INHBA: variants seen among roughly 807,000 people sequenced by gnomAD.
The protein encoded by INHBA is inhibin subunit beta A.
In INHBA, 1 loss-of-function variant was observed where a neutral mutation model predicts 29.0. That is an observed-to-expected ratio of 0.03 (90% CI 0.01 to 0.16). The LOEUF is 0.16. Among genes scored for constraint, INHBA ranks in the 10% least tolerant of loss-of-function variants. The probability of loss-of-function intolerance (pLI) is 1.00; values close to 1 mark genes in which losing one functional copy is unlikely to be tolerated. For synonymous variants in INHBA, 242 were observed against 216.8 expected, an observed-to-expected ratio of 1.12 and a Z score of -1.02; for missense variants, 376 against 545.4, an observed-to-expected ratio of 0.69 and a Z score of 3.09.
chr7:41,703,954 G>C (rs976027030), upstream of INHBA, among the ~76,000 whole-genome samples: 4 of 152,118 alleles, frequency 2.6e-5, no homozygotes, highest in Non-Finnish European at 5.9e-5. Flanking sequence ...TGTGGGGGAG[G>C]GGTGTTGGCA....
At chr7:41,703,231 T>C (rs767033974), upstream of INHBA, 13 of 152,196 alleles carry the variant, frequency 8.5e-5, no homozygotes, top group Non-Finnish European at 1.6e-4. Flanking sequence ...AGACATTTCA[T>C]AATTCATTAT....
chr7:41,700,451 G>T lies in INHBA; in HGVS notation c.-77C>A, dbSNP rs376914466. ...TCCCCCCTCACGCGCAGGTTTTTTT[G>T]TGTGTGTGGATTTTTTTATTTTTTT... On this transcript the variant is annotated 5_prime_UTR_variant, in exon 2 of 3. Transcript: ENST00000242208. 2.3e-4 allele frequency: 299 copies of T among 1,288,618 alleles called. No homozygotes were observed. The highest frequency in any genetic ancestry group is 1.9e-3 in the South Asian group (86 of 44,890). 79.8% of individuals were successfully genotyped at this position (1,288,618 alleles called of 1,614,324 possible).
At chr7:41,693,326 G>A (rs887948924) in intron 2 of INHBA, among the ~76,000 whole-genome samples, 16 of 152,320 alleles carry the variant, frequency 1.1e-4, no homozygotes, top group African/African-American at 3.8e-4. Flanking sequence ...TCAGGGTGAA[G>A]CCGATGGACA....
intron 2 of INHBA, among the ~76,000 whole-genome samples, chr7:41,694,941 G>A (rs941416523): frequency 1.3e-5 from 2 of 152,148 alleles, no homozygotes; most frequent in African/African-American, 4.8e-5. Context: ...CTGGAAGGGT[G>A]TTTGCAGCAC....
chr7:41,703,676 T>C (rs567016550), upstream of INHBA, among the ~76,000 whole-genome samples: 3 of 152,104 alleles, frequency 2.0e-5, no homozygotes, highest in Admixed American at 6.6e-5. Context: ...GCCTGCTTCA[T>C]AAATCAAGAA....
chr7:41,694,656 T>C (rs927758037), intron 2 of INHBA, among the ~76,000 whole-genome samples: 1 of 152,192 alleles, frequency 6.6e-6, no homozygotes, highest in Non-Finnish European at 1.5e-5. Flanking sequence ...CTCTGTGCTA[T>C]TTTTTCCCTC....
At chr7:41,694,035 A>G (rs745749016) in intron 2 of INHBA, 2 of 152,238 alleles carry the variant, frequency 1.3e-5, no homozygotes. Flanking sequence ...AATGCTCAGG[A>G]GAACAGGGGG....
chr7:41,702,575 T>C (rs189805698), intron 1 of INHBA, among the ~76,000 whole-genome samples: 39 of 152,340 alleles, frequency 2.6e-4, no homozygotes, highest in Middle Eastern at 3.4e-3. Flanking sequence ...ACATATACAG[T>C]ACCCAAAATG....
rs2128668802 is a variant in INHBA, at chr7:41,688,001, G to A, written c.*1649C>T. Reference sequence around the variant, plus strand: ...GAAATTTGATCCCTGTACAATGAAAGAGGGCCTTGCTGAATATTCACTGGA... The same window carrying A: ...GAAATTTGATCCCTGTACAATGAAAAAGGGCCTTGCTGAATATTCACTGGA... On this transcript the variant is annotated 3_prime_UTR_variant, in exon 3 of 3. Coordinates refer to ENST00000242208, the MANE Select transcript of INHBA (RefSeq NM_002192.4). 1 of 152,334 alleles carries A rather than the reference G, an allele frequency of 6.6e-6. No homozygotes were observed. The highest frequency in any genetic ancestry group is 2.1e-4 in the South Asian group (1 of 4,832). The allele number at this position is 152,334 out of a possible 1,614,324, so 9.4% of individuals were successfully genotyped here. A position where few individuals can be genotyped will look rare whatever the true frequency, so the allele number is the denominator to read the frequency against.
At chr7:41,700,619 G>A (rs1794761426) in intron 1 of INHBA, 102 bp from the exon 2 acceptor site, 1 of 168,244 alleles carries the variant, frequency 5.9e-6, no homozygotes, top group Non-Finnish European at 1.3e-5. Context: ...GGAGAGTTCT[G>A]ACTGTCTCCG....
At chr7:41,700,668 A>G in intron 1 of INHBA, 151 bp from the exon 2 acceptor site, 1 of 140,730 alleles carries the variant, frequency 7.1e-6, no homozygotes, top group Non-Finnish European at 1.5e-5. Context: ...GGAGGGAGAC[A>G]GGGAGGGAGG....
At chr7:41,699,156 T>A (rs1794714636) in intron 2 of INHBA, among the ~76,000 whole-genome samples, 1 of 152,236 alleles carries the variant, frequency 6.6e-6, no homozygotes, top group Admixed American at 6.5e-5. Context: ...ACGATTAGAA[T>A]CTATTTATTA....
In INHBA at chr7:41,694,605, G is replaced by A. The variant is rs1026015152; in HGVS notation, c.389-4063C>T. Among the ~76,000 whole-genome samples the A allele has an allele frequency of 1.3e-5, 2 of 152,148 alleles. 1 individual carries two copies. Among genetic ancestry groups the A allele is most frequent in the South Asian group, 4.1e-4 (2 of 4,832 alleles). On this transcript the variant is annotated intron_variant, in intron 2 of 2. Transcript: ENST00000242208. ...AACCAGATATAGCTGGTTGCTTTGC[G>A]AACCTTTCATTACCTGCTCTCTAAT... is the stretch of plus-strand genomic sequence containing the variant.
chr7:41,692,929 G>T (rs546645671), intron 2 of INHBA, among the ~76,000 whole-genome samples: 2 of 152,128 alleles, frequency 1.3e-5, no homozygotes, highest in Admixed American at 6.5e-5. Flanking sequence ...AGGGTGGCAG[G>T]GTCCTGCCAA....
rs1380286305 is a variant in INHBA, at chr7:41,689,008, T to C, written c.*642A>G. The C allele has an allele frequency of 1.7e-5, 4 of 233,162 alleles. No individual in the cohort carries two copies. Among genetic ancestry groups the C allele is most frequent in the African/African-American group, 8.8e-5 (4 of 45,318 alleles). The allele number at this position is 233,162 out of a possible 1,614,324, so 14.4% of individuals were successfully genotyped here. A position where few individuals can be genotyped will look rare whatever the true frequency, so the allele number is the denominator to read the frequency against. ...ATTTTTTAATGTTGTTTGTTTTGTT[T>C]TGTTGCAAAAGTGGTACAGAAAAAG... On this transcript the variant is annotated 3_prime_UTR_variant, in exon 3 of 3. Coordinates refer to ENST00000242208, the MANE Select transcript of INHBA (RefSeq NM_002192.4).
At chr7:41,699,499 GTTTTA>G (rs1272136094) in intron 2 of INHBA, among the ~76,000 whole-genome samples, 2 of 152,100 alleles carry the variant, frequency 1.3e-5, no homozygotes, top group African/African-American at 4.8e-5. Context: ...GGGAAGGTTT[GTTTTA>G]AGAGAGTGAC....
At chr7:41,703,408 C>T (rs1476011969), upstream of INHBA, among the ~76,000 whole-genome samples, 4 of 152,066 alleles carry the variant, frequency 2.6e-5, no homozygotes, top group Non-Finnish European at 1.5e-5. Context: ...ACACACGTCT[C>T]GTTATATTCA....
intron 2 of INHBA, among the ~76,000 whole-genome samples, chr7:41,696,014 G>A (rs924642608): frequency 2.3e-4 from 35 of 149,590 alleles, no homozygotes; most frequent in African/African-American, 7.2e-4. Flanking sequence ...CACTGCACAG[G>A]CCGCAGACCA....
chr7:41,694,226 T>A (rs1355214016), intron 2 of INHBA: 1 of 152,236 alleles, frequency 6.6e-6, no homozygotes, highest in Non-Finnish European at 1.5e-5. Context: ...TTATCAGGGC[T>A]GTAGGCTTCA....
Sources: allele counts gnomAD v4.1 joint callset (sites outside exome capture counted in the v4.1 genomes callset), GRCh38; gene constraint gnomAD v4.1.1; transcripts MANE v1.5; gene names NCBI Gene and HGNC (gene_info 2026-07-23, HGNC 2026-07-21).